The following ATP8A1 variants were observed in gnomAD, a reference collection of about 807,000 sequenced individuals.
The protein encoded by ATP8A1 is ATPase phospholipid transporting 8A1, also known as phospholipid-transporting ATPase IA.
ATP8A1 carries 90 observed loss-of-function variants against 177.7 expected under a neutral mutation model. The observed-to-expected ratio is 0.51, with a 90% CI of 0.43 to 0.60. The LOEUF (loss-of-function observed/expected upper bound fraction) is 0.60. Ranked by LOEUF, ATP8A1 falls within the 20% of genes least tolerant of loss-of-function variation. ATP8A1 has a pLI of 0.00. For synonymous variants in ATP8A1, 493 were observed against 485.9 expected, an observed-to-expected ratio of 1.01 and a Z score of -0.19; for missense variants, 1,072 against 1,392.8, an observed-to-expected ratio of 0.77 and a Z score of 3.67.
intron 30 of ATP8A1, among the ~76,000 whole-genome samples, chr4:42,450,753 C>T (rs1717850846): frequency 6.6e-6 from 1 of 152,202 alleles, no homozygotes; most frequent in South Asian, 2.1e-4. Flanking sequence ...TGCTGAGTGC[C>T]TACTACAAGC....
At chr4:42,605,935 A>G (rs1735754130) in intron 5 of ATP8A1, among the ~76,000 whole-genome samples, 1 of 152,212 alleles carries the variant, frequency 6.6e-6, no homozygotes, top group South Asian at 2.1e-4. Flanking sequence ...TACAAGGTAA[A>G]AGCTGACATT....
At chr4:42,632,860 C>T (rs1034086110) in intron 1 of ATP8A1, among the ~76,000 whole-genome samples, 2 of 152,162 alleles carry the variant, frequency 1.3e-5, no homozygotes, top group Admixed American at 6.5e-5. Flanking sequence ...TTATTCTCTT[C>T]CTTTGTAAAA....
intron 33 of ATP8A1, among the ~76,000 whole-genome samples, chr4:42,435,433 A>C (rs1244022608): frequency 4.2e-5 from 4 of 95,458 alleles, no homozygotes; most frequent in Non-Finnish European, 8.3e-5. Context: ...TCTCAAAAAA[A>C]AAAAAAAAAA....
At position 42,574,471 on chromosome 4, in the gene ATP8A1, A is replaced by C. The variant is rs912652368; in HGVS notation, c.1295+148T>G. On this transcript the variant is annotated intron_variant, in intron 14 of 36. Coordinates refer to ENST00000381668, the MANE Select transcript of ATP8A1 (RefSeq NM_006095.2). Reference sequence around the variant, plus strand: ...GCTAAACTAGAAACGCGAAATATACATGTGTCCTAAAATTATAACAGCTGC... The same window carrying C: ...GCTAAACTAGAAACGCGAAATATACCTGTGTCCTAAAATTATAACAGCTGC... The C allele has an allele frequency of 7.7e-6, 5 of 651,112 alleles. No individual in the cohort carries two copies. The East Asian group carries it at 1.2e-4, about 16-fold the overall frequency. 40.3% of individuals were successfully genotyped at this position (651,112 alleles called of 1,614,324 possible).
At chr4:42,446,726 G>A (rs1467954637) in intron 30 of ATP8A1, 82 bp from the exon 31 acceptor site, 9 of 1,287,358 alleles carry the variant, frequency 7.0e-6, no homozygotes, top group African/African-American at 3.0e-5. Flanking sequence ...AAGTTTGAAC[G>A]AAGGAAGGGA....
rs17447061 is a variant in ATP8A1 at position 42,444,240 on chromosome 4, T to C, written c.3015+338A>G. On this transcript the variant is annotated intron_variant, in intron 32 of 36. Transcript: ENST00000381668. ...CAGAATCACTTTCCAATGGGTTTGC[T>C]GCAGAACACCAGTCCAGTGACACCT... is the stretch of plus-strand genomic sequence containing the variant. Among the ~76,000 whole-genome samples the C allele has an allele frequency of 9.6e-3, 1,462 of 152,342 alleles. 10 individuals are homozygous for C. Among genetic ancestry groups the C allele is most frequent in the Middle Eastern group, 0.048 (14 of 294 alleles).
chr4:42,550,200 T>G (rs1160521151), intron 18 of ATP8A1, among the ~76,000 whole-genome samples: 7 of 22,090 alleles, frequency 3.2e-4, no homozygotes, highest in South Asian at 1.8e-3. Context: ...GTCTGGCTTT[T>G]TTTTTTTTTT....
At chr4:42,425,365 C>T (rs537263088) in intron 33 of ATP8A1, among the ~76,000 whole-genome samples, 3 of 152,264 alleles carry the variant, frequency 2.0e-5, no homozygotes, top group South Asian at 4.1e-4. Flanking sequence ...GGAGGAGTGA[C>T]TGGCGCCCCA....
chr4:42,562,837 A>G (rs569591566), intron 15 of ATP8A1, among the ~76,000 whole-genome samples: 179 of 152,362 alleles, frequency 1.2e-3, no homozygotes, highest in Non-Finnish European at 2.1e-3. Context: ...CATGTAAGAC[A>G]TGACTTGCTC....
intron 6 of ATP8A1, among the ~76,000 whole-genome samples, chr4:42,594,748 C>T (rs75454879): frequency 0.015 from 2,329 of 152,082 alleles, 84 homozygotes; most frequent in East Asian, 0.12. Context: ...CTCACAATAA[C>T]GCTTGTGAAA....
At chr4:42,569,368 T>C (rs986113637) in intron 14 of ATP8A1, among the ~76,000 whole-genome samples, 163 bp from the exon 15 acceptor site, 4 of 152,114 alleles carry the variant, frequency 2.6e-5, no homozygotes, top group Admixed American at 6.6e-5. Context: ...GTACAGCAAA[T>C]AGAACATAAT....
chr4:42,524,529 C>A (rs1398350878), intron 21 of ATP8A1, among the ~76,000 whole-genome samples: 2 of 151,316 alleles, frequency 1.3e-5, no homozygotes, highest in Middle Eastern at 3.2e-3. Context: ...CATTTATAGG[C>A]CCTACCATCT....
In ATP8A1 at chr4:42,460,379, C is replaced by CTT. The variant is rs35296572; in HGVS notation, c.2619+4309_2619+4310dup. ...ATTTCCATATAGCAAATGGATGGATCTTTTTTTTTTTTTTTTTTTTTTTTC... is the reference window on the plus strand; with the variant it reads ...ATTTCCATATAGCAAATGGATGGATCTTTTTTTTTTTTTTTTTTTTTTTTTTC... On this transcript the variant is annotated intron_variant, in intron 27 of 36. Coordinates refer to ENST00000381668, the MANE Select transcript of ATP8A1 (RefSeq NM_006095.2). 2.2e-3 allele frequency among the ~76,000 whole-genome samples: 207 copies of CTT among 94,588 alleles called. 8 individuals carry two copies. Among genetic ancestry groups the CTT allele is most frequent in the South Asian group, 0.014 (32 of 2,248 alleles). 62.1% of individuals were successfully genotyped at this position (94,588 alleles called of 152,430 possible).
intron 22 of ATP8A1, among the ~76,000 whole-genome samples, chr4:42,520,690 A>T (rs748780454): frequency 6.6e-6 from 1 of 152,184 alleles, no homozygotes. Context: ...GACACCATAC[A>T]TGCTATCCCA....
intron 5 of ATP8A1, among the ~76,000 whole-genome samples, chr4:42,615,066 T>C (rs1051065015): frequency 6.6e-6 from 1 of 152,262 alleles, no homozygotes; most frequent in Non-Finnish European, 1.5e-5. Flanking sequence ...TGTTTTTACA[T>C]GTACCTATTT....
intron 11 of ATP8A1, among the ~76,000 whole-genome samples, chr4:42,579,293 T>C (rs1401650145): frequency 6.6e-6 from 1 of 150,670 alleles, no homozygotes; most frequent in African/African-American, 2.4e-5. Flanking sequence ...GTTTAAACAT[T>C]TTTAAACCAT....
chr4:42,571,463 A>ATTT (rs5857852), intron 14 of ATP8A1, among the ~76,000 whole-genome samples: 36 of 142,704 alleles, frequency 2.5e-4, no homozygotes, highest in African/African-American at 6.7e-4. Flanking sequence ...AAAGGTCTAA[A>ATTT]TTTTTTTTTT....
chr4:42,597,334 G>A (rs975955767), intron 6 of ATP8A1, among the ~76,000 whole-genome samples: 5 of 152,144 alleles, frequency 3.3e-5, no homozygotes, highest in Non-Finnish European at 7.4e-5. Context: ...TCAAAATCTT[G>A]TTATCCCAAC....
chr4:42,435,426 C>CAAAAAAAAAAAAAAAA (rs55945370), intron 33 of ATP8A1, among the ~76,000 whole-genome samples: 106 of 93,868 alleles, frequency 1.1e-3, no homozygotes, highest in East Asian at 2.0e-3. Flanking sequence ...GACTTCATCT[C>CAAAAAAAAAAAAAAAA]AAAAAAAAAA....
Sources: gnomAD v4.1 joint callset for allele counts (sites outside exome capture counted in the v4.1 genomes callset) on GRCh38, gnomAD v4.1.1 for gene constraint, MANE v1.5 for transcripts, NCBI Gene and HGNC (gene_info 2026-07-23, HGNC 2026-07-21) for gene names.